MAN2A1: variants seen among roughly 807,000 people sequenced by gnomAD.
MAN2A1 encodes the protein mannosidase alpha class 2A member 1, also known as alpha-mannosidase 2.
MAN2A1 carries 76 observed loss-of-function variants against 142.6 expected under a neutral mutation model. The ratio of observed to expected loss-of-function variants is 0.53; its 90% confidence interval spans 0.44 to 0.65. MAN2A1 has a LOEUF of 0.65. Ranked by LOEUF, MAN2A1 falls within the 30% of genes least tolerant of loss-of-function variation. The pLI, the probability that MAN2A1 is intolerant of heterozygous loss-of-function variation, is 0.00. For synonymous variants in MAN2A1, 559 were observed against 473.2 expected (o/e 1.18, Z -2.35); for missense variants, 1,311 against 1,365.1 (o/e 0.96, Z 0.62).
Position 109,866,860 on chromosome 5 carries a change from A to G in MAN2A1, c.3297A>G (p.Lys1099=), listed in dbSNP as rs1311563835. ...STTQGKILVQ[K]LLNKFIVESL... ...TTACTTTTCAGATATTGGTACAGAA[A>G]CTTTTAAACAAGTTTATTGTCGAAA... Residue 1099 remains lysine, a synonymous_variant, in exon 22 of 22, where the codon AAA becomes AAG. Coordinates refer to ENST00000261483, the MANE Select transcript of MAN2A1 (RefSeq NM_002372.4). 5 of 1,604,660 alleles carry G rather than the reference A, an allele frequency of 3.1e-6. No individual in the cohort carries two copies. The African/African-American group carries it at 5.4e-5, about 17-fold the overall frequency.
At chr5:109,815,269 A>T (rs1754423361) in intron 12 of MAN2A1, among the ~76,000 whole-genome samples, 1 of 152,200 alleles carries the variant, frequency 6.6e-6, no homozygotes, top group Non-Finnish European at 1.5e-5. Context: ...GGCTGCAAAT[A>T]GATTGACAAA....
intron 1 of MAN2A1, among the ~76,000 whole-genome samples, chr5:109,707,879 C>G (rs1751180891): frequency 1.3e-5 from 2 of 152,066 alleles, no homozygotes; most frequent in South Asian, 4.1e-4. Flanking sequence ...CTGTAGGTGT[C>G]TTTTTGAGGA....
At chr5:109,704,644 G>T (rs1375388323) in intron 1 of MAN2A1, among the ~76,000 whole-genome samples, 1 of 152,166 alleles carries the variant, frequency 6.6e-6, no homozygotes, top group Non-Finnish European at 1.5e-5. Flanking sequence ...AAGCCTTCCT[G>T]TTAAGTTCCA....
At chr5:109,857,056 G>C (rs1165749592) in intron 20 of MAN2A1, among the ~76,000 whole-genome samples, 1 of 152,186 alleles carries the variant, frequency 6.6e-6, no homozygotes. Context: ...GCCTCACAGA[G>C]GTGATAATGG....
intron 16 of MAN2A1, among the ~76,000 whole-genome samples, chr5:109,829,784 G>T (rs756993850): frequency 2.6e-5 from 4 of 152,188 alleles, no homozygotes; most frequent in Non-Finnish European, 4.4e-5. Flanking sequence ...TAATTTTTCA[G>T]TCAGAATTGT....
In MAN2A1 at chr5:109,823,786, A is replaced by G. The variant is rs780043084; in HGVS notation, c.2515A>G (p.Thr839Ala). 1 of 1,608,824 alleles carries G rather than the reference A, an allele frequency of 6.2e-7. No homozygotes were observed. The highest frequency in any genetic ancestry group is 1.3e-5 in the African/African-American group (1 of 74,800). The change falls in exon 16 of 22, where the codon ACT becomes GCT. Residue 839 changes from threonine to alanine, a missense_variant. Physicochemically the swap from Thr to Ala is moderately conservative, Grantham distance 58. Around this residue, in one of 3 missense-constraint regions of MAN2A1, gnomAD observed 890 missense variants for 920.5 expected, o/e 0.97. Transcript: ENST00000261483. ...ACATGGAAGGATTTATTCGGAAGTG[A>G]CTTGCTTTTTTGACCATGTTACTCA... The part of the protein sequence containing the change: ...VTHGRIYSEV[T>A]CFFDHVTHRV...
At chr5:109,793,173 A>C (rs1753778162) in intron 12 of MAN2A1, among the ~76,000 whole-genome samples, 1 of 152,038 alleles carries the variant, frequency 6.6e-6, no homozygotes, top group African/African-American at 2.4e-5. Flanking sequence ...TGTACGGAGT[A>C]ACCTCACCCA....
At chr5:109,832,004 T>C (rs942005003) in intron 16 of MAN2A1, among the ~76,000 whole-genome samples, 1 of 151,772 alleles carries the variant, frequency 6.6e-6, no homozygotes, top group African/African-American at 2.4e-5. Flanking sequence ...CTCAGTGGGT[T>C]GTACCTTTTT....
At chr5:109,754,481 G>A (rs923374051) in intron 4 of MAN2A1, among the ~76,000 whole-genome samples, 1 of 152,092 alleles carries the variant, frequency 6.6e-6, no homozygotes, top group African/African-American at 2.4e-5. Context: ...GATGTTATCT[G>A]TATTCCCAGA....
At chr5:109,864,542 G>A (rs1755833333) in intron 20 of MAN2A1, 1 of 152,698 alleles carries the variant, frequency 6.5e-6, no homozygotes, top group Non-Finnish European at 1.5e-5. Flanking sequence ...TAATGAATCA[G>A]TACATCAAAG....
chr5:109,771,929 A>C (rs1753156690), intron 7 of MAN2A1, among the ~76,000 whole-genome samples: 2 of 152,086 alleles, frequency 1.3e-5, no homozygotes, highest in Admixed American at 1.3e-4. Flanking sequence ...CACATTATTG[A>C]GGAAAAAAAG....
At chr5:109,792,111 G>T (rs1414308787) in intron 12 of MAN2A1, among the ~76,000 whole-genome samples, 1 of 152,012 alleles carries the variant, frequency 6.6e-6, no homozygotes, top group Non-Finnish European at 1.5e-5. Context: ...CATTGCCATT[G>T]GCTTGTTTAA....
chr5:109,793,646 G>C (rs376201237), intron 12 of MAN2A1, among the ~76,000 whole-genome samples: 1 of 152,072 alleles, frequency 6.6e-6, no homozygotes. Flanking sequence ...ATAAAGCTTG[G>C]AATTTGTATA....
chr5:109,869,105 C>A lies in MAN2A1; in HGVS notation c.*2107C>A, dbSNP rs1384117564. ...AGCAAGTTTCTGCTTTTTAAGGTTA[C>A]TTTTAGAATAAATCATCAGGGAAAC... On this transcript the variant is annotated 3_prime_UTR_variant, in exon 22 of 22. Coordinates refer to ENST00000261483, the MANE Select transcript of MAN2A1 (RefSeq NM_002372.4). The A allele has an allele frequency of 6.6e-6, 1 of 152,132 alleles. No homozygotes were observed. The highest frequency in any genetic ancestry group is 2.4e-5 in the African/African-American group (1 of 41,410). 9.4% of individuals were successfully genotyped at this position (152,132 alleles called of 1,614,324 possible).
chr5:109,747,025 C>G (rs1752427112), intron 4 of MAN2A1, among the ~76,000 whole-genome samples: 1 of 152,140 alleles, frequency 6.6e-6, no homozygotes, highest in African/African-American at 2.4e-5. Flanking sequence ...TTGCACCAAC[C>G]TAATACATAC....
intron 12 of MAN2A1, among the ~76,000 whole-genome samples, chr5:109,813,103 G>A (rs1245408410): frequency 3.3e-5 from 5 of 152,088 alleles, no homozygotes; most frequent in Non-Finnish European, 1.5e-5. Flanking sequence ...ATGCAGTGAG[G>A]TCATGAGATG....
At chr5:109,825,321 T>C (rs1269186000) in intron 16 of MAN2A1, among the ~76,000 whole-genome samples, 1 of 152,210 alleles carries the variant, frequency 6.6e-6, no homozygotes, top group Non-Finnish European at 1.5e-5. Flanking sequence ...GAGTACAACA[T>C]GGCACACACT....
chr5:109,777,940 AATT>A (rs1355662180), intron 8 of MAN2A1, among the ~76,000 whole-genome samples: 1 of 152,106 alleles, frequency 6.6e-6, no homozygotes, highest in Non-Finnish European at 1.5e-5. Context: ...ACACTGTCTT[AATT>A]ATTAACACTA....
intron 17 of MAN2A1, among the ~76,000 whole-genome samples, chr5:109,842,806 G>GT (rs768238978): frequency 0.069 from 8,050 of 116,170 alleles, 567 homozygotes; most frequent in Non-Finnish European, 0.077. Flanking sequence ...TACTTATTGG[G>GT]TTTTTTTTTT....
Sources: gnomAD v4.1 joint callset for allele counts (sites outside exome capture counted in the v4.1 genomes callset) on GRCh38, gnomAD v4.1.1 for gene constraint, gnomAD v4.1.1 regional missense constraint, MANE v1.5 for transcripts, NCBI Gene and HGNC (gene_info 2026-07-23, HGNC 2026-07-21) for gene names.